Variants in CRACD observed in about 807,000 individuals in gnomAD.
The protein encoded by CRACD is capping protein inhibiting regulator of actin dynamics, also known as capping protein-inhibiting regulator of actin dynamics.
CRACD carries 56 observed loss-of-function variants against 106.8 expected under a neutral mutation model. The observed-to-expected ratio is 0.52, with a 90% CI of 0.42 to 0.66. The LOEUF is 0.66. CRACD is among the 30% of genes least tolerant of loss of function. The pLI, the probability that CRACD is intolerant of heterozygous loss-of-function variation, is 0.00. For synonymous variants in CRACD, 754 were observed against 670.8 expected (o/e 1.12, Z -1.92); for missense variants, 1,730 against 1,623.2 (o/e 1.07, Z -1.13).
intron 2 of CRACD, among the ~76,000 whole-genome samples, chr4:56,217,151 G>GA (rs1738747293): frequency 1.3e-5 from 2 of 152,038 alleles, no homozygotes; most frequent in African/African-American, 4.8e-5. Flanking sequence ...TCAGATGTCC[G>GA]AGTTTCCTAG....
rs1738956445 is a variant in CRACD, at chr4:56,220,243, A to G, written c.-189+40813A>G. Among the ~76,000 whole-genome samples, 4 of 152,190 alleles carry G rather than the reference A, an allele frequency of 2.6e-5. No individual in the cohort carries two copies. The South Asian group carries it at 8.3e-4, about 32-fold the overall frequency. On this transcript the variant is annotated intron_variant, in intron 2 of 10. Coordinates refer to ENST00000682029, the MANE Select transcript of CRACD (RefSeq NM_001393381.1). ...CTGAAATACTCCTAAACACAGAAGA[A>G]AAAAAGATTAGACTGAAGTCCTTTG...
At position 56,272,331 on chromosome 4, in the gene CRACD, G is replaced by A. The variant is rs1283945949; in HGVS notation, c.-178G>A. On this transcript the variant is annotated 5_prime_UTR_variant, in exon 3 of 11. Transcript: ENST00000682029. ...TTTTACAATCCACAGACAAGAAGAA[G>A]GGAGGCAAATTCCAGCCTTTTAAAA... 4 of 153,226 alleles carry A rather than the reference G, an allele frequency of 2.6e-5. No individual in the cohort carries two copies. The highest frequency in any genetic ancestry group is 4.4e-5 in the Non-Finnish European group (3 of 68,070). 9.5% of individuals were successfully genotyped at this position (153,226 alleles called of 1,614,324 possible). A position where few individuals can be genotyped will look rare whatever the true frequency, so the allele number is the denominator to read the frequency against.
At chr4:56,088,829 A>T (rs1366915453) in intron 1 of CRACD, among the ~76,000 whole-genome samples, 2 of 151,948 alleles carry the variant, frequency 1.3e-5, no homozygotes, top group Admixed American at 6.6e-5. Flanking sequence ...GGGTTCAAGC[A>T]ATTCTCCTGC....
intron 1 of CRACD, among the ~76,000 whole-genome samples, chr4:56,134,439 A>G (rs1464907908): frequency 6.6e-6 from 1 of 152,130 alleles, no homozygotes; most frequent in African/African-American, 2.4e-5. Context: ...CCGCAATTTC[A>G]TGTGTCTACA....
At chr4:56,304,644 T>G (rs995390975) in intron 4 of CRACD, among the ~76,000 whole-genome samples, 6 of 152,112 alleles carry the variant, frequency 3.9e-5, no homozygotes, top group African/African-American at 1.4e-4. Flanking sequence ...TAGTTGGGCA[T>G]GGTGGTGTGC....
At chr4:56,132,168 C>A (rs936670319) in intron 1 of CRACD, among the ~76,000 whole-genome samples, 1 of 152,080 alleles carries the variant, frequency 6.6e-6, no homozygotes, top group Non-Finnish European at 1.5e-5. Flanking sequence ...CTCAGCCTCT[C>A]GAGTAGCTGA....
chr4:56,161,230 TA>T (rs1415160236), intron 1 of CRACD, among the ~76,000 whole-genome samples: 1 of 152,180 alleles, frequency 6.6e-6, no homozygotes, highest in Non-Finnish European at 1.5e-5. Context: ...CAGAAAGGAC[TA>T]AAATAATATT....
intron 3 of CRACD, among the ~76,000 whole-genome samples, chr4:56,294,861 C>A (rs1743901551): frequency 7.2e-6 from 1 of 139,334 alleles, no homozygotes; most frequent in South Asian, 2.2e-4. Flanking sequence ...TTACACTAAG[C>A]CGAGATCATG....
chr4:56,130,100 G>A (rs1007389716), intron 1 of CRACD, among the ~76,000 whole-genome samples: 4 of 151,952 alleles, frequency 2.6e-5, no homozygotes, highest in African/African-American at 7.3e-5. Context: ...GCGAGACCCC[G>A]TCTCTACAAA....
At chr4:56,183,571 C>T (rs1329651137) in intron 2 of CRACD, among the ~76,000 whole-genome samples, 1 of 152,178 alleles carries the variant, frequency 6.6e-6, no homozygotes, top group Non-Finnish European at 1.5e-5. Context: ...CGACCACTGG[C>T]GGTCATGCTA....
chr4:56,246,220 A>T (rs747992569), intron 2 of CRACD, among the ~76,000 whole-genome samples: 24 of 152,212 alleles, frequency 1.6e-4, no homozygotes, highest in Non-Finnish European at 3.2e-4. Context: ...GAAAGTAGAA[A>T]GTGCTGAATG....
chr4:56,306,356 T>A (rs997128655), intron 4 of CRACD, among the ~76,000 whole-genome samples: 1 of 151,904 alleles, frequency 6.6e-6, no homozygotes, highest in Non-Finnish European at 1.5e-5. Context: ...TAGCTGGCTG[T>A]GGTGGTGCAT....
At chr4:56,310,234 C>A (rs572346267) in intron 5 of CRACD, among the ~76,000 whole-genome samples, 4 of 152,190 alleles carry the variant, frequency 2.6e-5, no homozygotes, top group African/African-American at 7.2e-5. Flanking sequence ...GGTAGGCCTT[C>A]TTTCTTCTCA....
intron 2 of CRACD, among the ~76,000 whole-genome samples, chr4:56,269,551 G>T (rs1374914905): frequency 3.4e-5 from 5 of 148,484 alleles, no homozygotes; most frequent in African/African-American, 1.3e-4. Context: ...AAGGTCGGGG[G>T]AGGTGCCACA....
At chr4:56,118,946 A>T (rs1734390267) in intron 1 of CRACD, among the ~76,000 whole-genome samples, 1 of 152,166 alleles carries the variant, frequency 6.6e-6, no homozygotes, top group Non-Finnish European at 1.5e-5. Flanking sequence ...CATCAACAAA[A>T]TACTCCTTAT....
At chr4:56,286,051 A>G (rs1259816741) in intron 3 of CRACD, among the ~76,000 whole-genome samples, 2 of 152,154 alleles carry the variant, frequency 1.3e-5, no homozygotes, top group African/African-American at 4.8e-5. Context: ...GGATTTTGGC[A>G]TGGGAAAACA....
chr4:56,314,061 G>A lies in CRACD; in HGVS notation c.559G>A (p.Gly187Ser). Residue 187 changes from glycine (G) to serine (S), a missense_variant, in exon 8 of 11, where the codon GGC becomes AGC. Coordinates refer to ENST00000682029, the MANE Select transcript of CRACD (RefSeq NM_001393381.1). This position sits in a 1 kb window ranked among gnomAD's most constrained non-coding sequence, Gnocchi z 4.4. ...TTAGGATCCACAACATGAGCAAGGC[G>A]GCCTTGAGAGTCGGCCCTGCCTGGA... ...LAQDPQHEQG[G>S]LESRPCLDQN... The A allele has an allele frequency of 1.2e-6, 2 of 1,613,904 alleles. No individual in the cohort carries two copies. The highest frequency in any genetic ancestry group is 1.7e-6 in the Non-Finnish European group (2 of 1,179,920).
chr4:56,304,680 G>A (rs983051893), intron 4 of CRACD, among the ~76,000 whole-genome samples: 1 of 152,116 alleles, frequency 6.6e-6, no homozygotes, highest in Non-Finnish European at 1.5e-5. Flanking sequence ...TATTTAGGAG[G>A]CTGAGGTGGG....
At chr4:56,247,368 G>A (rs1293462678) in intron 2 of CRACD, among the ~76,000 whole-genome samples, 1 of 152,196 alleles carries the variant, frequency 6.6e-6, no homozygotes, top group Non-Finnish European at 1.5e-5. Context: ...AGTAATTGAT[G>A]ATATATTAGC....
Sources: allele counts gnomAD v4.1 joint callset (sites outside exome capture counted in the v4.1 genomes callset), GRCh38; gene constraint gnomAD v4.1.1; non-coding constraint Gnocchi (gnomAD v3.1); transcripts MANE v1.5; gene names NCBI Gene and HGNC (gene_info 2026-07-23, HGNC 2026-07-21).